Variants in AP1G1 observed in about 807,000 individuals in gnomAD.
The protein encoded by AP1G1 is adaptor related protein complex 1 subunit gamma 1.
A neutral mutation model predicts 108.3 loss-of-function variants in AP1G1; 7 were observed. That is an observed-to-expected ratio of 0.06 (90% CI 0.04 to 0.12). AP1G1 has a LOEUF of 0.12. AP1G1 is among the 10% of genes least tolerant of loss of function. AP1G1 has a pLI of 1.00. For synonymous variants in AP1G1, 379 were observed against 353.5 expected, an observed-to-expected ratio of 1.07 and a Z score of -0.81; for missense variants, 756 against 1,010.7, an observed-to-expected ratio of 0.75 and a Z score of 3.42.
intron 21 of AP1G1, among the ~76,000 whole-genome samples, chr16:71,736,960 T>A (rs545062337): frequency 6.6e-6 from 1 of 152,150 alleles, no homozygotes; most frequent in South Asian, 2.1e-4. Flanking sequence ...ACCAAAAATG[T>A]CATGTTTTAA....
intron 3 of AP1G1, among the ~76,000 whole-genome samples, chr16:71,773,571 T>C (rs912431183): frequency 6.6e-6 from 1 of 152,180 alleles, no homozygotes; most frequent in Non-Finnish European, 1.5e-5. Context: ...TACAAGCCAA[T>C]GTTTCCAGGT....
intron 1 of AP1G1, among the ~76,000 whole-genome samples, chr16:71,807,289 G>T (rs1297688011): frequency 6.6e-6 from 1 of 152,272 alleles, no homozygotes; most frequent in East Asian, 1.9e-4. Context: ...AAAATTAGCC[G>T]GGCGTGGCGG....
chr16:71,750,134 G>GA (rs1019373406), intron 14 of AP1G1, 76 bp downstream of exon 14: 30 of 1,536,812 alleles, frequency 2.0e-5, no homozygotes, highest in South Asian at 9.3e-5. Flanking sequence ...GAGGAGGGGG[G>GA]AAAAAAAAGA....
At chr16:71,785,510 G>A (rs919705504) in intron 2 of AP1G1, among the ~76,000 whole-genome samples, 2 of 146,622 alleles carry the variant, frequency 1.4e-5, no homozygotes, top group African/African-American at 5.1e-5. Context: ...GGGTAGTGAA[G>A]GCTGCAATGA....
chr16:71,769,590 A>C (rs1441105900), intron 6 of AP1G1, 33 bp downstream of exon 6: 1 of 1,572,632 alleles, frequency 6.4e-7, no homozygotes, highest in Admixed American at 1.7e-5. Context: ...TTTTTCAATC[A>C]AGAAAGGCTT....
intron 1 of AP1G1, 54 bp from the exon 2 acceptor site, chr16:71,789,536 T>C: frequency 6.6e-7 from 1 of 1,516,506 alleles, no homozygotes; most frequent in Non-Finnish European, 9.1e-7. Context: ...CTACCAAAGC[T>C]ATTCACACAA....
At chr16:71,745,363 G>C in intron 18 of AP1G1, 93 bp from the exon 19 acceptor site, 3 of 1,600,110 alleles carry the variant, frequency 1.9e-6, no homozygotes, top group Non-Finnish European at 1.7e-6. Context: ...AAATAAGGAA[G>C]GAAATCATCA....
At chr16:71,779,160 C>G (rs2031906111) in intron 2 of AP1G1, among the ~76,000 whole-genome samples, 1 of 152,116 alleles carries the variant, frequency 6.6e-6, no homozygotes, top group African/African-American at 2.4e-5. Context: ...TTTCAGCCCC[C>G]TTTGTAACAA....
chr16:71,775,835 AC>A (rs1279513776), intron 2 of AP1G1, among the ~76,000 whole-genome samples: 1 of 152,244 alleles, frequency 6.6e-6, no homozygotes, highest in Non-Finnish European at 1.5e-5. Context: ...AAAACGATTT[AC>A]ATTTCTTCTT....
chr16:71,782,041 C>A (rs951529233), intron 2 of AP1G1, among the ~76,000 whole-genome samples: 1 of 152,184 alleles, frequency 6.6e-6, no homozygotes, highest in Non-Finnish European at 1.5e-5. Context: ...TGATTAGATT[C>A]TAATTCATTC....
chr16:71,748,463 G>T, intron 15 of AP1G1, 85 bp from the exon 16 acceptor site: 1 of 1,441,728 alleles, frequency 6.9e-7, no homozygotes, highest in Non-Finnish European at 9.4e-7. Flanking sequence ...AGGGGAAGCA[G>T]CCAGAAAGAC....
intron 22 of AP1G1, 163 bp downstream of exon 22, chr16:71,734,446 T>G: frequency 1.6e-6 from 1 of 620,822 alleles, no homozygotes; most frequent in Non-Finnish European, 2.9e-6. Context: ...GTCTCTGGGT[T>G]CCATTTGTTA....
At chr16:71,754,661 CATG>C (rs1319682829) in intron 12 of AP1G1, among the ~76,000 whole-genome samples, 1 of 152,006 alleles carries the variant, frequency 6.6e-6, no homozygotes, top group Non-Finnish European at 1.5e-5. Flanking sequence ...ATTAGTGGCA[CATG>C]ATGATTTGCA....
At chr16:71,737,430 C>T (rs2045563839) in intron 21 of AP1G1, among the ~76,000 whole-genome samples, 2 of 152,138 alleles carry the variant, frequency 1.3e-5, no homozygotes, top group East Asian at 1.9e-4. Flanking sequence ...ACCACAGGCA[C>T]GCACCATTGC....
At chr16:71,806,849 G>T in intron 1 of AP1G1, 1 of 423,228 alleles carries the variant, frequency 2.4e-6, no homozygotes, top group Non-Finnish European at 3.9e-6. Flanking sequence ...TATTTAAACT[G>T]AAAATATTGT....
intron 1 of AP1G1, among the ~76,000 whole-genome samples, chr16:71,792,792 T>G (rs553909839): frequency 6.6e-6 from 1 of 151,388 alleles, no homozygotes; most frequent in South Asian, 2.1e-4. Flanking sequence ...AAGTGGAGAT[T>G]GCAGTGAGTC....
chr16:71,793,849 A>G (rs1213663328), intron 1 of AP1G1, among the ~76,000 whole-genome samples: 1 of 152,096 alleles, frequency 6.6e-6, no homozygotes, highest in Non-Finnish European at 1.5e-5. Context: ...AGCTGGGACT[A>G]CAGGCGCAAG....
chr16:71,790,048 T>A (rs2032340259), intron 1 of AP1G1, among the ~76,000 whole-genome samples: 1 of 149,114 alleles, frequency 6.7e-6, no homozygotes, highest in African/African-American at 2.5e-5. Context: ...GAGAAAAAAA[T>A]AAACTAACCT....
At position 71,789,410 on chromosome 16, in the gene AP1G1, G is replaced by C. The variant is rs1484372439; in HGVS notation, c.70C>G (p.Arg24Gly). ...IRTARTQAEEREMIQKECAAI... is the reference protein window; with the variant it reads ...IRTARTQAEEGEMIQKECAAI... ...GCACATTCTTTCTGGATCATTTCTC[G>C]TTCTTCAGCTTGGGTTCGGGCTGTC... Residue 24 changes from arginine to glycine, a missense_variant, in exon 2 of 23, where the codon CGA (arginine) becomes GGA (glycine). Around this residue, in one of 3 missense-constraint regions of AP1G1, gnomAD observed 304 missense variants for 483.6 expected, o/e 0.63. Coordinates refer to ENST00000299980, the MANE Select transcript of AP1G1 (RefSeq NM_001128.6). 1 of 1,614,138 alleles carries C rather than the reference G, an allele frequency of 6.2e-7. No homozygotes were observed. The highest frequency in any genetic ancestry group is 8.5e-7 in the Non-Finnish European group (1 of 1,180,028).
Sources: allele counts gnomAD v4.1 joint callset (sites outside exome capture counted in the v4.1 genomes callset), GRCh38; gene constraint gnomAD v4.1.1; regional missense constraint gnomAD v4.1.1; transcripts MANE v1.5; gene names NCBI Gene and HGNC (gene_info 2026-07-23, HGNC 2026-07-21).